INPP5A: variants seen among roughly 807,000 people sequenced by gnomAD.
The protein encoded by INPP5A is 43 kDa inositol polyphosphate 5-phophatase.
Under a neutral mutation model 65.2 loss-of-function variants are expected in INPP5A, and 14 were observed. The observed-to-expected ratio is 0.21, with a 90% confidence interval of 0.14 to 0.34. INPP5A has a LOEUF of 0.34. Ranked by LOEUF, INPP5A falls within the 10% of genes least tolerant of loss-of-function variation. The pLI is 1.00. For synonymous variants in INPP5A, 207 were observed against 208.3 expected, an observed-to-expected ratio of 0.99 and a Z score of 0.05; for missense variants, 431 against 545.6, an observed-to-expected ratio of 0.79 and a Z score of 2.09.
chr10:132,778,548 G>A (rs1398204259), intron 13 of INPP5A, among the ~76,000 whole-genome samples: 3 of 152,094 alleles, frequency 2.0e-5, no homozygotes, highest in East Asian at 1.9e-4. Flanking sequence ...TGTCAACCCC[G>A]TGAATGAAAA....
At chr10:132,607,684 A>G (rs2071876142) in intron 1 of INPP5A, among the ~76,000 whole-genome samples, 1 of 152,232 alleles carries the variant, frequency 6.6e-6, no homozygotes, top group Non-Finnish European at 1.5e-5. Context: ...CCTGAGACAG[A>G]GTGCATCGTG....
chr10:132,723,177 A>AGGCCCACCTGGTGCGTCGCC (rs1242193713), intron 8 of INPP5A, among the ~76,000 whole-genome samples: 1 of 152,236 alleles, frequency 6.6e-6, no homozygotes, highest in Non-Finnish European at 1.5e-5. Context: ...AGGGCGTTGC[A>AGGCCCACCTGGTGCGTCGCC]GGCCCACCTG....
chr10:132,669,130 G>A (rs2133430882), intron 4 of INPP5A, among the ~76,000 whole-genome samples: 1 of 152,298 alleles, frequency 6.6e-6, no homozygotes, highest in Middle Eastern at 3.4e-3. Context: ...GTGGGCGCCT[G>A]TAGTCCCAGC....
intron 2 of INPP5A, 117 bp downstream of exon 2, chr10:132,608,073 G>A: frequency 1.1e-6 from 1 of 915,888 alleles, no homozygotes. Context: ...GGCCTGGGCT[G>A]TGGCTGGGTC....
At chr10:132,641,722 T>C (rs906039007) in intron 2 of INPP5A, among the ~76,000 whole-genome samples, 2 of 152,250 alleles carry the variant, frequency 1.3e-5, no homozygotes, top group Non-Finnish European at 2.9e-5. Flanking sequence ...CCCTGCTCTT[T>C]TCTATAGTCG....
intron 1 of INPP5A, among the ~76,000 whole-genome samples, chr10:132,580,613 A>G (rs1399542436): frequency 6.6e-6 from 1 of 152,198 alleles, no homozygotes; most frequent in African/African-American, 2.4e-5. Context: ...GAGATCATCA[A>G]CTTCAGCCCT....
Position 132,740,130 on chromosome 10 carries a change from T to C in INPP5A, c.733-9387T>C, listed in dbSNP as rs192144837. 3.3e-5 allele frequency among the ~76,000 whole-genome samples: 5 copies of C among 152,358 alleles called. No homozygotes were observed. The East Asian group carries it at 9.6e-4, about 29-fold the overall frequency. ...GTCCATAATGTGAGTTACCAAGGAA[T>C]GGCTAACCCCACGGGACCAGTAATG... On this transcript the variant is annotated intron_variant, in intron 9 of 15. Transcript: ENST00000368594.
intron 5 of INPP5A, among the ~76,000 whole-genome samples, chr10:132,694,399 T>C (rs1845314477): frequency 6.6e-6 from 1 of 151,932 alleles, no homozygotes; most frequent in African/African-American, 2.4e-5. Context: ...ATTTATAGCA[T>C]CAAATGCATA....
chr10:132,548,386 G>A (rs553589509), intron 1 of INPP5A, among the ~76,000 whole-genome samples: 29 of 152,286 alleles, frequency 1.9e-4, no homozygotes, highest in African/African-American at 6.7e-4. Flanking sequence ...TCTGCTGCCC[G>A]TTGCCGGTGG....
intron 1 of INPP5A, among the ~76,000 whole-genome samples, chr10:132,593,906 C>G (rs1178056331): frequency 2.0e-5 from 3 of 152,146 alleles, no homozygotes; most frequent in Non-Finnish European, 2.9e-5. Flanking sequence ...TTGCCAGGAA[C>G]TATAAAGATA....
At chr10:132,699,107 G>T (rs1000317751) in intron 6 of INPP5A, among the ~76,000 whole-genome samples, 24 of 152,196 alleles carry the variant, frequency 1.6e-4, no homozygotes, top group African/African-American at 5.8e-4. Context: ...AAGCTCCATG[G>T]TCTTCTCCAC....
chr10:132,601,404 G>A (rs540898730), intron 1 of INPP5A, among the ~76,000 whole-genome samples: 13 of 152,272 alleles, frequency 8.5e-5, no homozygotes, highest in African/African-American at 2.9e-4. Context: ...ATATTAACCC[G>A]TTAGCAGACA....
intron 3 of INPP5A, among the ~76,000 whole-genome samples, chr10:132,647,974 C>T (rs1205098803): frequency 6.6e-6 from 1 of 152,170 alleles, no homozygotes; most frequent in African/African-American, 2.4e-5. Flanking sequence ...AAAAATGTGG[C>T]CATGTTTGAA....
intron 2 of INPP5A, among the ~76,000 whole-genome samples, chr10:132,613,247 GCCCACAGGACCCCCTCCTTCCCGAGTCCC>G (rs1391278166): frequency 2.1e-4 from 32 of 151,990 alleles, no homozygotes; most frequent in Non-Finnish European, 3.7e-4. Flanking sequence ...GAACGCCACG[GCCCACAGGACCCCCTCCTTCCCGAGTCCC>G]CCCGCAGGGC....
At position 132,590,666 on chromosome 10, in the gene INPP5A, G is replaced by A. The variant is rs1405281443; in HGVS notation, c.76-17249G>A. ...CCGTTGCTTCCAGACAGCCTCGGTAGCGTTGAGTCCCCTCTTCCTCTTCCT... is the reference window on the plus strand; with the variant it reads ...CCGTTGCTTCCAGACAGCCTCGGTAACGTTGAGTCCCCTCTTCCTCTTCCT... On this transcript the variant is annotated intron_variant, in intron 1 of 15. Coordinates refer to ENST00000368594, the MANE Select transcript of INPP5A (RefSeq NM_005539.5). Among the ~76,000 whole-genome samples, 3 of 152,332 alleles carry A rather than the reference G, an allele frequency of 2.0e-5. No homozygotes were observed. The East Asian group carries it at 5.8e-4, about 29-fold the overall frequency.
chr10:132,597,950 G>T (rs2071728536), intron 1 of INPP5A, among the ~76,000 whole-genome samples: 1 of 152,176 alleles, frequency 6.6e-6, no homozygotes, highest in Non-Finnish European at 1.5e-5. Context: ...TACGCGTAGT[G>T]ACCCTGGGCC....
At chr10:132,767,844 C>A (rs1846877840) in intron 12 of INPP5A, among the ~76,000 whole-genome samples, 1 of 151,058 alleles carries the variant, frequency 6.6e-6, no homozygotes, top group Non-Finnish European at 1.5e-5. Context: ...ATCCGTGGAC[C>A]CCAACCCTCA....
chr10:132,538,859 A>C lies in INPP5A; in HGVS notation c.75+688A>C, dbSNP rs935392473. On this transcript the variant is annotated intron_variant, in intron 1 of 15. Transcript: ENST00000368594. The surrounding 1 kb of genome is among the most constrained non-coding windows in gnomAD (Gnocchi z 4.1). ...CACTGAATTCTAGCCCTAGAATCCC[A>C]GCCTTCATACTGTGGCCCTTTGCCT... Among the ~76,000 whole-genome samples, 2 of 152,176 alleles carry C rather than the reference A, an allele frequency of 1.3e-5. No individual in the cohort carries two copies. The highest frequency in any genetic ancestry group is 6.6e-5 in the Admixed American group (1 of 15,264).
intron 12 of INPP5A, among the ~76,000 whole-genome samples, chr10:132,777,269 G>A (rs1440879281): frequency 6.6e-6 from 1 of 152,200 alleles, no homozygotes; most frequent in Non-Finnish European, 1.5e-5. Flanking sequence ...ACTTACAGGC[G>A]TTTCGAGCTG....
Sources: allele counts gnomAD v4.1 joint callset (sites outside exome capture counted in the v4.1 genomes callset), GRCh38; gene constraint gnomAD v4.1.1; non-coding constraint Gnocchi (gnomAD v3.1); transcripts MANE v1.5; gene names NCBI Gene and HGNC (gene_info 2026-07-23, HGNC 2026-07-21).